DCP1A: variants seen among roughly 807,000 people sequenced by gnomAD.
The protein encoded by DCP1A is decapping mRNA 1A.
A neutral mutation model predicts 58.0 loss-of-function variants in DCP1A; 20 were observed. That is an observed-to-expected ratio of 0.34 (90% CI 0.24 to 0.50). DCP1A has a LOEUF of 0.50. Ranked by LOEUF, DCP1A falls within the 20% of genes least tolerant of loss-of-function variation. The pLI, the probability that DCP1A is intolerant of heterozygous loss-of-function variation, is 0.98. For synonymous variants in DCP1A, 285 were observed against 275.1 expected (o/e 1.04, Z -0.36); for missense variants, 613 against 712.2 (o/e 0.86, Z 1.59).
chr3:53,299,444 G>A (rs1553687177), intron 6 of DCP1A, among the ~76,000 whole-genome samples: 1 of 152,182 alleles, frequency 6.6e-6, no homozygotes, highest in Admixed American at 6.5e-5. Context: ...AGCATGTACA[G>A]CACAGGACAA....
At chr3:53,328,063 T>C (rs1553690848) in intron 3 of DCP1A, among the ~76,000 whole-genome samples, 1 of 151,460 alleles carries the variant, frequency 6.6e-6, no homozygotes, top group East Asian at 1.9e-4. Flanking sequence ...GAGGTTGCAG[T>C]GAGCCGAGAT....
intron 6 of DCP1A, among the ~76,000 whole-genome samples, chr3:53,295,913 GAC>G (rs1387880560): frequency 7.2e-6 from 1 of 139,466 alleles, no homozygotes; most frequent in Non-Finnish European, 1.5e-5. Flanking sequence ...TTTTTTTTGA[GAC>G]ACAGTCTAGC....
chr3:53,322,316 G>A (rs1176392261), intron 3 of DCP1A, among the ~76,000 whole-genome samples: 1 of 152,072 alleles, frequency 6.6e-6, no homozygotes, highest in Non-Finnish European at 1.5e-5. Flanking sequence ...GCCAGGCGTG[G>A]TGGTGGATGC....
intron 2 of DCP1A, among the ~76,000 whole-genome samples, chr3:53,343,575 G>C (rs781795847): frequency 8.5e-5 from 13 of 152,138 alleles, no homozygotes; most frequent in Admixed American, 3.9e-4. Context: ...CTAATGAAGA[G>C]TAATGAAGGG....
At chr3:53,346,773 C>T (rs577327666) in intron 1 of DCP1A, among the ~76,000 whole-genome samples, 14 of 152,152 alleles carry the variant, frequency 9.2e-5, no homozygotes, top group Non-Finnish European at 1.8e-4. Context: ...GTACAAAGGT[C>T]TTCGGGGATC....
At chr3:53,315,806 T>C (rs1224383007) in intron 4 of DCP1A, among the ~76,000 whole-genome samples, 4 of 126,470 alleles carry the variant, frequency 3.2e-5, no homozygotes, top group Non-Finnish European at 4.7e-5. Context: ...CAGGCTGGAG[T>C]GCAGTGGCAC....
intron 3 of DCP1A, among the ~76,000 whole-genome samples, chr3:53,326,708 T>C (rs1575613973): frequency 6.6e-6 from 1 of 152,234 alleles, no homozygotes; most frequent in African/African-American, 2.4e-5. Context: ...CACCTCCAGA[T>C]GGAACTGCTG....
At chr3:53,306,983 C>T (rs558153800) in intron 5 of DCP1A, among the ~76,000 whole-genome samples, 2 of 133,682 alleles carry the variant, frequency 1.5e-5, no homozygotes, top group East Asian at 4.4e-4. Flanking sequence ...GTCACCCAGG[C>T]TGGAGTGCAG....
rs529818879 is a variant in DCP1A, at chr3:53,317,915, G to T, written c.371+1492C>A. On this transcript the variant is annotated intron_variant, in intron 4 of 9. Coordinates refer to ENST00000610213, the MANE Select transcript of DCP1A (RefSeq NM_018403.7). ...ACAAAGCAGGGGGCCGATAACTTCC[G>T]ATCAGGACATGTTAGTAGTCTTAGA... is the stretch of plus-strand genomic sequence containing the variant. Among the ~76,000 whole-genome samples the T allele has an allele frequency of 2.0e-5, 3 of 152,204 alleles. 1 individual carries two copies. The highest frequency in any genetic ancestry group is 4.1e-4 in the South Asian group (2 of 4,834).
chr3:53,338,402 G>T (rs1553692195), intron 3 of DCP1A, among the ~76,000 whole-genome samples: 4 of 151,928 alleles, frequency 2.6e-5, no homozygotes, highest in African/African-American at 9.7e-5. Flanking sequence ...GGGCAACACA[G>T]TGAGACCTTG....
Position 53,283,700 on chromosome 3 carries a change from A to G in DCP1A, c.*3880T>C, listed in dbSNP as rs1018500208. The G allele has an allele frequency of 2.6e-5, 4 of 152,230 alleles. No homozygotes were observed. Among genetic ancestry groups the G allele is most frequent in the Non-Finnish European group, 4.4e-5 (3 of 68,052 alleles). The allele number at this position is 152,230 out of a possible 1,614,324, so 9.4% of individuals were successfully genotyped here. On this transcript the variant is annotated 3_prime_UTR_variant, in exon 10 of 10. Transcript: ENST00000610213. ...TGAAAGTCATGAGAGCCACATGGCC[A>G]AAGCAGTAATACAGAATAAAAAACC...
At chr3:53,346,070 C>A (rs781990549) in intron 1 of DCP1A, among the ~76,000 whole-genome samples, 1 of 152,030 alleles carries the variant, frequency 6.6e-6, no homozygotes, top group Non-Finnish European at 1.5e-5. Context: ...ATATTGAAAG[C>A]CTTTGTGAAA....
chr3:53,325,588 T>C (rs1340010055), intron 3 of DCP1A, among the ~76,000 whole-genome samples: 3 of 152,192 alleles, frequency 2.0e-5, no homozygotes, highest in Admixed American at 1.3e-4. Context: ...GCTTTGGGTA[T>C]AGACAAATAC....
At chr3:53,290,218 A>C (rs1298599712) in intron 8 of DCP1A, among the ~76,000 whole-genome samples, 1 of 152,178 alleles carries the variant, frequency 6.6e-6, no homozygotes, top group Admixed American at 6.5e-5. Context: ...GCAAGGGAGG[A>C]CAAATGGGAC....
Position 53,338,722 on chromosome 3 carries a change from G to A in DCP1A, c.304+3422C>T, listed in dbSNP as rs539525739. On this transcript the variant is annotated intron_variant, in intron 3 of 9. Coordinates refer to ENST00000610213, the MANE Select transcript of DCP1A (RefSeq NM_018403.7). ...TAAAAATAGAAAAAATTAGCCGGGC[G>A]TGGTGGTGGGCGCCTGTAGTCCCAG... Among the ~76,000 whole-genome samples, 187 of 151,788 alleles carry A rather than the reference G, an allele frequency of 1.2e-3. 1 individual carries two copies. The highest frequency in any genetic ancestry group is 2.3e-3 in the South Asian group (11 of 4,798).
At chr3:53,333,808 G>A (rs2089061464) in intron 3 of DCP1A, among the ~76,000 whole-genome samples, 1 of 152,034 alleles carries the variant, frequency 6.6e-6, no homozygotes, top group South Asian at 2.1e-4. Context: ...TCATCATTAT[G>A]TGGTAACTTT....
intron 6 of DCP1A, among the ~76,000 whole-genome samples, chr3:53,294,806 AG>A (rs1707061071): frequency 6.6e-6 from 1 of 152,216 alleles, no homozygotes; most frequent in Non-Finnish European, 1.5e-5. Context: ...CCCAGCACAC[AG>A]GAAGTGTGTG....
In DCP1A at chr3:53,290,876, A is replaced by G. The variant is rs1214942838; in HGVS notation, c.1384-20T>C. On this transcript the variant is annotated intron_variant, in intron 7 of 9. Coordinates refer to ENST00000610213, the MANE Select transcript of DCP1A (RefSeq NM_018403.7). Reference sequence around the variant, plus strand: ...CATAGACTGAAATGTTTATGAAGAAAAGACAGACGGATATAAGAAGTTTCA... The same window carrying G: ...CATAGACTGAAATGTTTATGAAGAAGAGACAGACGGATATAAGAAGTTTCA... The G allele has an allele frequency of 1.3e-6, 2 of 1,596,868 alleles. No individual in the cohort carries two copies. The highest frequency in any genetic ancestry group is 3.4e-5 in the Admixed American group (2 of 58,430).
rs1706686472 is a variant in DCP1A, at chr3:53,287,585, G to A, written c.1744C>T (p.Leu582=). 1 of 1,605,366 alleles carries A rather than the reference G, an allele frequency of 6.2e-7. No individual in the cohort carries two copies. The highest frequency in any genetic ancestry group is 1.1e-5 in the South Asian group (1 of 90,876). The part of the protein sequence containing the change: ...VLTKNKDNHN[L] ...TTAGACTTATTCTGCTCCAGTCATA[G>A]GTTGTGGTTGTCTTTGTTCTTGGTC... The change falls in exon 10 of 10, where the codon CTA becomes TTA. Residue 582 remains leucine, a synonymous_variant. Transcript: ENST00000610213.
Sources: allele counts gnomAD v4.1 joint callset (sites outside exome capture counted in the v4.1 genomes callset), GRCh38; gene constraint gnomAD v4.1.1; transcripts MANE v1.5; gene names NCBI Gene and HGNC (gene_info 2026-07-23, HGNC 2026-07-21).